Variants in ORC5 observed in about 807,000 individuals in gnomAD.
ORC5 encodes the protein protein phosphatase 1, regulatory subunit 117.
In ORC5, 39 loss-of-function variants were observed where a neutral mutation model predicts 58.8. The ratio of observed to expected loss-of-function variants is 0.66; its 90% CI spans 0.51 to 0.87. The LOEUF is 0.87. Among genes scored for constraint, ORC5 ranks in the 40% least tolerant of loss-of-function variants. The pLI is 0.00. For missense variants in ORC5, 493 were observed against 506.3 expected (o/e 0.97, Z 0.25); for synonymous variants, 218 against 177.6 (o/e 1.23, Z -1.81).
intron 12 of ORC5, among the ~76,000 whole-genome samples, chr7:104,160,363 T>C (rs1479778095): frequency 1.3e-5 from 2 of 151,254 alleles, no homozygotes; most frequent in African/African-American, 2.5e-5. Context: ...GAAAACAAAA[T>C]GCTCACTGCA....
chr7:104,186,810 T>C (rs1470365996), intron 6 of ORC5, among the ~76,000 whole-genome samples: 1 of 152,192 alleles, frequency 6.6e-6, no homozygotes, highest in Non-Finnish European at 1.5e-5. Flanking sequence ...TGTTTAAGGA[T>C]CCTTTTCTCT....
intron 8 of ORC5, among the ~76,000 whole-genome samples, chr7:104,181,620 C>T (rs1799432487): frequency 1.3e-5 from 2 of 151,472 alleles, no homozygotes; most frequent in African/African-American, 4.9e-5. Context: ...GCTGTCTCTA[C>T]TAAAAATACG....
rs572666733 is a variant in ORC5 at position 104,136,389 on chromosome 7, T to TG, written c.1262+391_1262+392insC. ...TCCCCTGACCTAGACACTATATTTC[T>TG]ATCAGTGTTACCTAAGTCAGGATTT... On this transcript the variant is annotated intron_variant, in intron 13 of 13. Transcript: ENST00000297431. This position sits in a 1 kb window ranked among gnomAD's most constrained non-coding sequence, Gnocchi z 4.2. 4.7e-4 allele frequency among the ~76,000 whole-genome samples: 71 copies of TG among 152,258 alleles called. No individual in the cohort carries two copies. Among genetic ancestry groups the TG allele is most frequent in the African/African-American group, 1.5e-3 (62 of 41,544 alleles).
chr7:104,155,520 A>G (rs1798910199), intron 12 of ORC5, among the ~76,000 whole-genome samples: 2 of 151,384 alleles, frequency 1.3e-5, no homozygotes, highest in Non-Finnish European at 3.0e-5. Context: ...TTATTAAAAT[A>G]AAACCTTTTA....
intron 12 of ORC5, among the ~76,000 whole-genome samples, chr7:104,151,463 CG>C (rs1798845608): frequency 6.6e-6 from 1 of 152,026 alleles, no homozygotes; most frequent in Non-Finnish European, 1.5e-5. Context: ...GAAAATGAGA[CG>C]GTTCAGAGAT....
intron 8 of ORC5, among the ~76,000 whole-genome samples, chr7:104,178,243 T>C (rs1799362439): frequency 6.6e-6 from 1 of 152,230 alleles, no homozygotes; most frequent in South Asian, 2.1e-4. Context: ...TTCCTGACTT[T>C]TTAACAATAG....
In ORC5 at chr7:104,168,483, C is replaced by T. The variant is rs1799145542; in HGVS notation, c.867G>A (p.Gly289=). The T allele has an allele frequency of 1.2e-6, 2 of 1,600,342 alleles. No individual in the cohort carries two copies. The highest frequency in any genetic ancestry group is 1.7e-6 in the Non-Finnish European group (2 of 1,174,728). Reference sequence around the variant, plus strand: ...TACTTCCTCTGATACCTTTCAGTTGCCCCGGATCTGTGTCATCTTTCTGTA... The same window carrying T: ...TACTTCCTCTGATACCTTTCAGTTGTCCCGGATCTGTGTCATCTTTCTGTA... ...EKLQKDDTDP[G]QLKGLSAHTH... Residue 289 remains glycine (G), a synonymous_variant, in exon 9 of 14, where the codon GGG becomes GGA. Transcript: ENST00000297431.
At position 104,176,193 on chromosome 7, in the gene ORC5, C is replaced by T. The variant is rs183897312; in HGVS notation, c.825-7668G>A. Among the ~76,000 whole-genome samples the T allele has an allele frequency of 2.4e-3, 363 of 152,292 alleles. 1 individual carries two copies. The highest frequency in any genetic ancestry group is 4.0e-3 in the Non-Finnish European group (272 of 68,014). ...ATATGTTGTGTCTACGTGGTAAAAT[C>T]TGGCACAGTTGTCCAGAAATCCCTT... is the stretch of plus-strand genomic sequence containing the variant. On this transcript the variant is annotated intron_variant, in intron 8 of 13. Transcript: ENST00000297431.
At chr7:104,201,846 T>C (rs995513303) in intron 2 of ORC5, among the ~76,000 whole-genome samples, 1 of 152,014 alleles carries the variant, frequency 6.6e-6, no homozygotes, top group African/African-American at 2.4e-5. Context: ...GTAATCCCAG[T>C]GCTTTAGGAT....
intron 2 of ORC5, 136 bp downstream of exon 2, chr7:104,204,006 T>C (rs1054633560): frequency 1.0e-4 from 51 of 506,038 alleles, no homozygotes; most frequent in African/African-American, 8.3e-4. Context: ...AGACCATTCA[T>C]GGAGAAAGAT....
At chr7:104,128,930 T>C (rs1050564969) in intron 13 of ORC5, among the ~76,000 whole-genome samples, 1 of 151,892 alleles carries the variant, frequency 6.6e-6, no homozygotes, top group African/African-American at 2.4e-5. Context: ...GAAAACAAAA[T>C]TTTTGAAGCA....
intron 12 of ORC5, among the ~76,000 whole-genome samples, chr7:104,143,185 T>C (rs570231233): frequency 1.3e-5 from 2 of 152,280 alleles, no homozygotes; most frequent in African/African-American, 2.4e-5. Context: ...AAAACATTAA[T>C]TACCCTGTAC....
At chr7:104,163,924 T>C (rs1408825002) in intron 11 of ORC5, among the ~76,000 whole-genome samples, 1 of 152,246 alleles carries the variant, frequency 6.6e-6, no homozygotes, top group Non-Finnish European at 1.5e-5. Flanking sequence ...TCTCCAGCAC[T>C]TGAAATCATA....
At chr7:104,183,576 G>GA (rs754442279) in intron 8 of ORC5, among the ~76,000 whole-genome samples, 2 of 152,144 alleles carry the variant, frequency 1.3e-5, no homozygotes, top group East Asian at 3.9e-4. Context: ...CAAAAGACAG[G>GA]AAAAAACATA....
intron 8 of ORC5, among the ~76,000 whole-genome samples, chr7:104,170,118 G>A (rs947838394): frequency 3.3e-5 from 5 of 152,126 alleles, no homozygotes; most frequent in Non-Finnish European, 5.9e-5. Context: ...CTTTCTCCTT[G>A]AGTTTCTTGA....
At chr7:104,161,665 T>C (rs996012076) in intron 11 of ORC5, among the ~76,000 whole-genome samples, 1 of 151,394 alleles carries the variant, frequency 6.6e-6, no homozygotes, top group African/African-American at 2.4e-5. Flanking sequence ...TGAGCCACCA[T>C]ACCCAGCCAT....
intron 11 of ORC5, among the ~76,000 whole-genome samples, chr7:104,162,195 CAG>C (rs1799036426): frequency 1.3e-5 from 2 of 152,010 alleles, no homozygotes; most frequent in African/African-American, 4.8e-5. Flanking sequence ...TTTTTTGAGA[CAG>C]AGCCTCACTC....
chr7:104,134,612 T>C (rs1360063027), intron 13 of ORC5, among the ~76,000 whole-genome samples: 2 of 151,888 alleles, frequency 1.3e-5, no homozygotes, highest in African/African-American at 4.8e-5. Flanking sequence ...AGTAACAGTC[T>C]GGAAGTGGCA....
intron 11 of ORC5, 70 bp downstream of exon 11, chr7:104,165,165 C>T (rs2115866299): frequency 4.0e-6 from 3 of 753,456 alleles, no homozygotes; most frequent in Non-Finnish European, 6.6e-6. Flanking sequence ...AATACAATTA[C>T]AGATGTATCT....
Sources: gnomAD v4.1 joint callset for allele counts (sites outside exome capture counted in the v4.1 genomes callset) on GRCh38, gnomAD v4.1.1 for gene constraint, Gnocchi (gnomAD v3.1) non-coding constraint, MANE v1.5 for transcripts, NCBI Gene and HGNC (gene_info 2026-07-23, HGNC 2026-07-21) for gene names.